The following PHEX variants were observed in gnomAD, a reference collection of about 807,000 sequenced individuals.
PHEX encodes phosphate-regulating neutral endopeptidase PHEX.
Under a neutral mutation model 68.0 loss-of-function variants are expected in PHEX, and 16 were observed. That is an observed-to-expected ratio of 0.24 (90% CI 0.16 to 0.36). The LOEUF is 0.36. Among genes scored for constraint, PHEX ranks in the 10% least tolerant of loss-of-function variants. The pLI is 1.00. For missense variants in PHEX, 480 were observed against 575.5 expected, an observed-to-expected ratio of 0.83 and a Z score of 1.70; for synonymous variants, 208 against 205.1, an observed-to-expected ratio of 1.01 and a Z score of -0.12.
At chrX:22,185,756 G>GTTTTTTGTTTTTTTTTTT (rs1207128506) in intron 14 of PHEX, among the ~76,000 whole-genome samples, 2 of 87,770 alleles carry the variant, frequency 2.3e-5, no homozygotes, top group African/African-American at 5.0e-5. Flanking sequence ...CTCGTTTGTG[G>GTTTTTTGTTTTTTTTTTT]TTTTTTTTTT....
At chrX:22,109,445 A>T (rs1307217053) in intron 9 of PHEX, among the ~76,000 whole-genome samples, 3 of 112,308 alleles carry the variant, frequency 2.7e-5, no homozygotes, top group African/African-American at 9.7e-5. Flanking sequence ...TATTCCTAAT[A>T]TATTAGTCTA....
At chrX:22,106,997 C>T (rs1266464870) in intron 9 of PHEX, among the ~76,000 whole-genome samples, 10 of 110,958 alleles carry the variant, frequency 9.0e-5, no homozygotes, top group African/African-American at 2.6e-4. Flanking sequence ...CTTAATTGGC[C>T]TGGGGTGGCC....
rs893436930 is a variant in PHEX at position 22,081,509 on chromosome X, C to T, written c.663+3807C>T. ...ATTCAATTTTCTTCGGTGTGCTTAG[C>T]TTTTCTAATCCCACAAACCCACAGG... On this transcript the variant is annotated intron_variant, in intron 5 of 21. Coordinates refer to ENST00000379374, the MANE Select transcript of PHEX (RefSeq NM_000444.6). Among the ~76,000 whole-genome samples, 6 of 112,030 alleles carry T rather than the reference C, an allele frequency of 5.4e-5. No homozygotes were observed. The Admixed American group carries it at 5.7e-4, about 11-fold the overall frequency.
intron 12 of PHEX, among the ~76,000 whole-genome samples, chrX:22,133,969 G>C (rs1339201136): frequency 1.8e-5 from 2 of 111,791 alleles, no homozygotes; most frequent in Non-Finnish European, 3.8e-5. Context: ...GAGTCACAGG[G>C]AGCAGCTGGA....
intron 17 of PHEX, among the ~76,000 whole-genome samples, chrX:22,219,947 C>G (rs1238839252): frequency 1.8e-5 from 2 of 111,872 alleles, no homozygotes; most frequent in African/African-American, 3.2e-5. Context: ...CTATACTTTC[C>G]TGATAATTTA....
intron 12 of PHEX, among the ~76,000 whole-genome samples, chrX:22,164,932 T>C (rs1933262534): frequency 8.9e-6 from 1 of 111,751 alleles, no homozygotes; most frequent in Admixed American, 9.6e-5. Flanking sequence ...GTTTTGAAGG[T>C]GTAATTTGAT....
rs1282442430 is a variant in PHEX at position 22,249,475 on chromosome X, T to C, written c.*1522T>C. 1.4e-4 allele frequency: 12 copies of C among 85,896 alleles called. No homozygotes were observed. Among genetic ancestry groups the C allele is most frequent in the African/African-American group, 5.4e-4 (11 of 20,199 alleles). The allele number at this position is 85,896 out of a possible 1,213,427, so 7.1% of individuals were successfully genotyped here. The stretch of plus-strand genomic sequence containing the variant: ...AAAAAAATATATATATATATATATA[T>C]ATATATATATATGTATATCTACCTA... On this transcript the variant is annotated 3_prime_UTR_variant, in exon 22 of 22. Transcript: ENST00000379374.
chrX:22,065,961 G>A (rs1928579646), intron 3 of PHEX, among the ~76,000 whole-genome samples: 1 of 111,710 alleles, frequency 9.0e-6, no homozygotes, highest in Admixed American at 9.6e-5. Flanking sequence ...TTTTAACCCC[G>A]GCGGAAAGAG....
At chrX:22,067,825 AT>A (rs775606546) in intron 3 of PHEX, among the ~76,000 whole-genome samples, 1,260 of 96,506 alleles carry the variant, frequency 0.013, 10 homozygotes, top group African/African-American at 0.03. Context: ...ACAAGCTCCC[AT>A]TTTTTTTTTT....
At chrX:22,066,709 A>G (rs985353953) in intron 3 of PHEX, among the ~76,000 whole-genome samples, 1 of 112,021 alleles carries the variant, frequency 8.9e-6, no homozygotes, top group Admixed American at 9.4e-5. Context: ...TCCCTCGACC[A>G]CACATTGTGG....
chrX:22,195,335 T>C (rs1237841018), intron 15 of PHEX, among the ~76,000 whole-genome samples: 1 of 111,968 alleles, frequency 8.9e-6, no homozygotes, highest in Non-Finnish European at 1.9e-5. Context: ...GGCTCACGCC[T>C]GTAATCCCAG....
chrX:22,133,723 T>C, intron 12 of PHEX, 99 bp downstream of exon 12: 1 of 623,251 alleles, frequency 1.6e-6, no homozygotes, highest in Non-Finnish European at 2.6e-6. Flanking sequence ...TTGACTGAAC[T>C]GTTGACTCTG....
intron 9 of PHEX, among the ~76,000 whole-genome samples, chrX:22,102,938 A>C (rs1189588358): frequency 8.9e-6 from 1 of 111,919 alleles, no homozygotes; most frequent in East Asian, 2.8e-4. Flanking sequence ...AATCATATAC[A>C]GGTAATGGTG....
chrX:22,049,844 C>T (rs1927731287), intron 3 of PHEX, among the ~76,000 whole-genome samples: 1 of 109,300 alleles, frequency 9.1e-6, no homozygotes, highest in Admixed American at 9.7e-5. Context: ...GCCGGGGCAA[C>T]AAGAATGAAA....
At chrX:22,178,944 A>G (rs1933796194) in intron 14 of PHEX, among the ~76,000 whole-genome samples, 1 of 112,033 alleles carries the variant, frequency 8.9e-6, no homozygotes, top group Non-Finnish European at 1.9e-5. Context: ...CCCACCAGCT[A>G]CGATTTCATC....
intron 18 of PHEX, among the ~76,000 whole-genome samples, chrX:22,223,919 C>T (rs1257483531): frequency 8.9e-6 from 1 of 112,733 alleles, no homozygotes; most frequent in East Asian, 2.8e-4. Context: ...CAGTGACATG[C>T]GAGCAGTTTA....
intron 20 of PHEX, among the ~76,000 whole-genome samples, chrX:22,231,182 G>A (rs1241878127): frequency 1.8e-5 from 2 of 112,292 alleles, no homozygotes; most frequent in Non-Finnish European, 3.8e-5. Flanking sequence ...GTATTTTATC[G>A]GGTATTTTCG....
intron 14 of PHEX, among the ~76,000 whole-genome samples, chrX:22,181,083 C>A (rs5951717): frequency 9.0e-6 from 1 of 111,428 alleles, no homozygotes; most frequent in African/African-American, 3.3e-5. Context: ...GATGTTCCTT[C>A]GATGTACTGA....
chrX:22,060,298 A>T (rs1352252425), intron 3 of PHEX, among the ~76,000 whole-genome samples: 2 of 112,020 alleles, frequency 1.8e-5, no homozygotes, highest in Non-Finnish European at 3.8e-5. Context: ...CTAGCTTGTT[A>T]TTCAATGTTG....
Sources: allele counts gnomAD v4.1 joint callset (sites outside exome capture counted in the v4.1 genomes callset), GRCh38; gene constraint gnomAD v4.1.1; transcripts MANE v1.5; gene names NCBI Gene and HGNC (gene_info 2026-07-23, HGNC 2026-07-21).